The following RNF217 variants were observed in gnomAD, a reference collection of about 807,000 sequenced individuals.
RNF217 encodes the protein ring finger protein 217, also known as E3 ubiquitin-protein ligase RNF217.
A neutral mutation model predicts 57.8 loss-of-function variants in RNF217; 31 were observed. The observed-to-expected ratio is 0.54, with a 90% CI of 0.40 to 0.72. The LOEUF is 0.72. Among genes scored for constraint, RNF217 ranks in the 30% least tolerant of loss-of-function variants. The pLI, the probability that RNF217 is intolerant of heterozygous loss-of-function variation, is 0.00. For missense variants in RNF217, 696 were observed against 708.3 expected (o/e 0.98, Z 0.20); for synonymous variants, 313 against 294.0 (o/e 1.06, Z -0.66).
intron 1 of RNF217, among the ~76,000 whole-genome samples, chr6:124,968,952 C>T (rs978479378): frequency 6.6e-6 from 1 of 152,168 alleles, no homozygotes; most frequent in African/African-American, 2.4e-5. Context: ...CCATGAGATA[C>T]TCTATAAATG....
Position 125,049,759 on chromosome 6 carries a change from G to A in RNF217, c.1116+4315G>A, listed in dbSNP as rs889162707. Among the ~76,000 whole-genome samples the A allele has an allele frequency of 2.6e-5, 4 of 152,012 alleles. No homozygotes were observed. In the East Asian group the frequency reaches 5.8e-4, roughly 22 times the overall value. Reference sequence around the variant, plus strand: ...ACCCTGGGTATTGAGAAGGGCATGGGGGAGTAAAAAAGAATATAGTTGAAA... The same window carrying A: ...ACCCTGGGTATTGAGAAGGGCATGGAGGAGTAAAAAAGAATATAGTTGAAA... On this transcript the variant is annotated intron_variant, in intron 2 of 5. Coordinates refer to ENST00000521654, the MANE Select transcript of RNF217 (RefSeq NM_001286398.3).
Position 125,081,390 on chromosome 6 carries a change from G to C in RNF217, c.1484-46G>C, listed in dbSNP as rs1417628739. The C allele has an allele frequency of 2.2e-6, 3 of 1,390,572 alleles. No homozygotes were observed. The African/African-American group carries it at 4.3e-5, about 20-fold the overall frequency. 86.1% of individuals were successfully genotyped at this position (1,390,572 alleles called of 1,614,324 possible). On this transcript the variant is annotated intron_variant, in intron 4 of 5. Coordinates refer to ENST00000521654, the MANE Select transcript of RNF217 (RefSeq NM_001286398.3). ...AAAGCATCACTGTAATTATTTGGTA[G>C]GTTAGTTTTAAGACTCCTTAAATAA... is the stretch of plus-strand genomic sequence containing the variant.
chr6:125,019,835 G>T (rs562996360), intron 1 of RNF217, among the ~76,000 whole-genome samples: 29 of 150,500 alleles, frequency 1.9e-4, no homozygotes, highest in African/African-American at 3.7e-4. Context: ...TTTTGCAGTG[G>T]GGGGGGAGTG....
At chr6:125,059,736 C>T (rs978374985) in intron 3 of RNF217, among the ~76,000 whole-genome samples, 1 of 152,168 alleles carries the variant, frequency 6.6e-6, no homozygotes, top group Non-Finnish European at 1.5e-5. Flanking sequence ...GGGGAATTTA[C>T]TGAATGTTCT....
At chr6:124,975,625 T>C (rs1345653941) in intron 1 of RNF217, among the ~76,000 whole-genome samples, 1 of 152,006 alleles carries the variant, frequency 6.6e-6, no homozygotes, top group African/African-American at 2.4e-5. Context: ...TTAGTAGAGA[T>C]AGAGTTCTGC....
chr6:125,017,154 C>G (rs1445864941), intron 1 of RNF217, among the ~76,000 whole-genome samples: 4 of 152,068 alleles, frequency 2.6e-5, no homozygotes, highest in Non-Finnish European at 2.9e-5. Context: ...GTTTTGAAAA[C>G]TTTTTATGAC....
chr6:125,070,017 A>G (rs958368542), intron 3 of RNF217, among the ~76,000 whole-genome samples: 3 of 151,944 alleles, frequency 2.0e-5, no homozygotes, highest in South Asian at 4.2e-4. Context: ...CTTACCTCCT[A>G]TTCCTAGTCC....
chr6:125,001,982 G>C (rs1785007383), intron 1 of RNF217, among the ~76,000 whole-genome samples: 1 of 152,232 alleles, frequency 6.6e-6, no homozygotes, highest in East Asian at 1.9e-4. Context: ...ATTTCTCCAC[G>C]TGTATTTTAG....
rs531936184 is a variant in RNF217, at chr6:125,046,157, A to G, written c.1116+713A>G. 2.6e-5 allele frequency among the ~76,000 whole-genome samples: 4 copies of G among 152,212 alleles called. No individual in the cohort carries two copies. In the South Asian group the frequency reaches 8.3e-4, roughly 32 times the overall value. On this transcript the variant is annotated intron_variant, in intron 2 of 5. Coordinates refer to ENST00000521654, the MANE Select transcript of RNF217 (RefSeq NM_001286398.3). ...TTCAGAGCAAGGGATGAGTAAGTGC[A>G]CGGCCCCCGAGGCTAAGGCCAGGCT...
chr6:124,975,952 T>C (rs1783940036), intron 1 of RNF217, among the ~76,000 whole-genome samples: 1 of 151,776 alleles, frequency 6.6e-6, no homozygotes, highest in Non-Finnish European at 1.5e-5. Context: ...GTTATCATTT[T>C]TCTTCCTCAA....
At chr6:125,018,169 G>T (rs1048692782) in intron 1 of RNF217, among the ~76,000 whole-genome samples, 1 of 152,168 alleles carries the variant, frequency 6.6e-6, no homozygotes, top group Non-Finnish European at 1.5e-5. Flanking sequence ...ATTAGAGGTA[G>T]TGTAGAATCA....
At chr6:125,076,603 T>G (rs1788383345) in intron 3 of RNF217, 54 bp from the exon 4 acceptor site, 1 of 1,406,526 alleles carries the variant, frequency 7.1e-7, no homozygotes, top group Non-Finnish European at 1.0e-6. Flanking sequence ...GCGATTTTGC[T>G]TTTTAAAAAC....
chr6:124,987,235 C>T (rs1458493480), intron 1 of RNF217, among the ~76,000 whole-genome samples: 2 of 152,262 alleles, frequency 1.3e-5, no homozygotes, highest in South Asian at 2.1e-4. Flanking sequence ...ATATGTTTCA[C>T]ATATCGTATA....
chr6:125,073,309 A>G (rs1788221078), intron 3 of RNF217, among the ~76,000 whole-genome samples: 1 of 152,180 alleles, frequency 6.6e-6, no homozygotes, highest in Non-Finnish European at 1.5e-5. Context: ...ATTGATAAAC[A>G]TGAACAACAG....
chr6:124,984,249 G>C (rs1774633995), intron 1 of RNF217, among the ~76,000 whole-genome samples: 1 of 152,108 alleles, frequency 6.6e-6, no homozygotes, highest in Admixed American at 6.5e-5. Context: ...TTGTGCTATA[G>C]TCAATAAAAT....
intron 1 of RNF217, among the ~76,000 whole-genome samples, chr6:124,990,146 A>G (rs529679174): frequency 1.3e-5 from 2 of 152,318 alleles, no homozygotes; most frequent in East Asian, 3.9e-4. Context: ...CAAGGACACC[A>G]TAGTCTTCAT....
intron 1 of RNF217, among the ~76,000 whole-genome samples, chr6:125,043,631 T>C (rs1468429557): frequency 1.3e-5 from 2 of 152,100 alleles, no homozygotes; most frequent in Non-Finnish European, 2.9e-5. Flanking sequence ...GGGGTTTTTA[T>C]CTACACAAAA....
Position 124,982,187 on chromosome 6 carries a change from C to G in RNF217, c.882+18761C>G, listed in dbSNP as rs146542751. ...TTGCCTGATGTACTTTCCAACTTGACTTTTCCCTTGGCTTAGTGATTTTTG... is the reference window on the plus strand; with the variant it reads ...TTGCCTGATGTACTTTCCAACTTGAGTTTTCCCTTGGCTTAGTGATTTTTG... On this transcript the variant is annotated intron_variant, in intron 1 of 5. Transcript: ENST00000521654. 3.8e-3 allele frequency among the ~76,000 whole-genome samples: 578 copies of G among 152,178 alleles called. 6 individuals carry two copies. Among genetic ancestry groups the G allele is most frequent in the African/African-American group, 0.013 (548 of 41,518 alleles).
chr6:125,061,406 G>A (rs930631797), intron 3 of RNF217, among the ~76,000 whole-genome samples: 3 of 151,230 alleles, frequency 2.0e-5, no homozygotes, highest in Non-Finnish European at 3.0e-5. Context: ...CTGTTTGCTT[G>A]TAAACTGAAT....
Sources: allele counts gnomAD v4.1 joint callset (sites outside exome capture counted in the v4.1 genomes callset), GRCh38; gene constraint gnomAD v4.1.1; transcripts MANE v1.5; gene names NCBI Gene and HGNC (gene_info 2026-07-23, HGNC 2026-07-21).